Variants in EIF4G3 observed in about 807,000 individuals in gnomAD.
EIF4G3 encodes the protein eukaryotic translation initiation factor 4 gamma 3, also known as eIF-4-gamma 3.
EIF4G3 carries 34 observed loss-of-function variants against 186.4 expected under a neutral mutation model. The observed-to-expected ratio is 0.18, with a 90% CI of 0.14 to 0.24. The LOEUF (loss-of-function observed/expected upper bound fraction) is 0.24. Ranked by LOEUF, EIF4G3 falls within the 10% of genes least tolerant of loss-of-function variation. EIF4G3 has a pLI of 1.00. For synonymous variants in EIF4G3, 673 were observed against 679.5 expected, an observed-to-expected ratio of 0.99 and a Z score of 0.15; for missense variants, 1,536 against 1,948.5, an observed-to-expected ratio of 0.79 and a Z score of 3.99.
In EIF4G3 at chr1:20,821,569, TCTATTATGTATACATCACCATCTTCC is replaced by T. The variant is rs1286971281; in HGVS notation, c.4368+3505_4368+3530del. On this transcript the variant is annotated intron_variant, in intron 33 of 36. Coordinates refer to ENST00000602326, the MANE Select transcript of EIF4G3 (RefSeq NM_001391906.1). The stretch of plus-strand genomic sequence containing the variant: ...CCATCTTCCCTATTACGTATACTTC[TCTATTATGTATACATCACCATCTTCC>T]CTATTATGTATACATCACCATCTTC... Among the ~76,000 whole-genome samples the T allele has an allele frequency of 4.5e-3, 684 of 152,180 alleles. 5 individuals carry two copies. Among genetic ancestry groups the T allele is most frequent in the Middle Eastern group, 0.014 (4 of 294 alleles).
intron 22 of EIF4G3, 37 bp downstream of exon 22, chr1:20,864,439 A>G: frequency 1.4e-6 from 2 of 1,465,792 alleles, no homozygotes; most frequent in Non-Finnish European, 1.9e-6. Context: ...ACTGACAAGG[A>G]GCCTTTGCGA....
Position 20,868,090 on chromosome 1 carries a change from C to CTTT in EIF4G3, c.2623-2831_2623-2829dup, listed in dbSNP as rs66560662. On this transcript the variant is annotated intron_variant, in intron 20 of 36. Transcript: ENST00000602326. ...GAGAATAGTGATTCATGGTGATTTT[C>CTTT]TTTTTTTTTTTTTTTTGTCCTTAGG... Among the ~76,000 whole-genome samples the CTTT allele has an allele frequency of 5.5e-4, 50 of 90,430 alleles. 4 individuals carry two copies. Among genetic ancestry groups the CTTT allele is most frequent in the South Asian group, 1.8e-3 (4 of 2,190 alleles). 59.3% of individuals were successfully genotyped at this position (90,430 alleles called of 152,430 possible).
chr1:21,095,455 G>A (rs574370178), intron 2 of EIF4G3, among the ~76,000 whole-genome samples: 1 of 152,096 alleles, frequency 6.6e-6, no homozygotes, highest in Non-Finnish European at 1.5e-5. Flanking sequence ...GGGACTACAG[G>A]TGTGTACCAT....
intron 30 of EIF4G3, among the ~76,000 whole-genome samples, chr1:20,830,827 A>G (rs1347954971): frequency 6.6e-6 from 1 of 152,120 alleles, no homozygotes; most frequent in African/African-American, 2.4e-5. Flanking sequence ...TGAACATAGG[A>G]TTTCCATAGA....
At chr1:20,836,840 A>G (rs1330268191) in intron 30 of EIF4G3, among the ~76,000 whole-genome samples, 1 of 152,244 alleles carries the variant, frequency 6.6e-6, no homozygotes. Flanking sequence ...GTTTTCTGAA[A>G]TCATGATATA....
chr1:21,129,954 T>TGAGG (rs2097123758), intron 2 of EIF4G3, among the ~76,000 whole-genome samples: 1 of 152,142 alleles, frequency 6.6e-6, no homozygotes, highest in Admixed American at 6.6e-5. Flanking sequence ...AAGGCTGAGA[T>TGAGG]GAGGGTGGAT....
chr1:20,956,459 C>A (rs909017185), intron 12 of EIF4G3, among the ~76,000 whole-genome samples: 8 of 151,946 alleles, frequency 5.3e-5, no homozygotes, highest in African/African-American at 1.9e-4. Context: ...CTAAGGAGAG[C>A]AAAGTGGCTT....
At chr1:20,862,362 G>T in intron 22 of EIF4G3, 30 bp from the exon 23 acceptor site, 1 of 1,317,956 alleles carries the variant, frequency 7.6e-7, no homozygotes, top group Non-Finnish European at 1.1e-6. Context: ...TAGTACTCCT[G>T]TCTGAGAAAC....
intron 13 of EIF4G3, among the ~76,000 whole-genome samples, chr1:20,948,048 C>G (rs1290637208): frequency 6.6e-6 from 1 of 152,110 alleles, no homozygotes; most frequent in Non-Finnish European, 1.5e-5. Flanking sequence ...TTTTAAAAAT[C>G]CTGGCACAGC....
chr1:21,119,728 A>G (rs1283090420), intron 2 of EIF4G3, among the ~76,000 whole-genome samples: 1 of 152,164 alleles, frequency 6.6e-6, no homozygotes, highest in Non-Finnish European at 1.5e-5. Context: ...AAAGAAAAAC[A>G]TTTATATAGT....
At chr1:21,165,185 G>A (rs1398333575) in intron 2 of EIF4G3, among the ~76,000 whole-genome samples, 1 of 152,192 alleles carries the variant, frequency 6.6e-6, no homozygotes, top group Non-Finnish European at 1.5e-5. Flanking sequence ...AATGACAGGT[G>A]TTGGCAAGGA....
chr1:21,097,563 C>T (rs894813722), intron 2 of EIF4G3, among the ~76,000 whole-genome samples: 1 of 152,098 alleles, frequency 6.6e-6, no homozygotes, highest in Non-Finnish European at 1.5e-5. Flanking sequence ...ACATTCCAAC[C>T]TTAAAATTAA....
intron 12 of EIF4G3, among the ~76,000 whole-genome samples, chr1:20,954,612 C>CTTCT (rs966522221): frequency 3.3e-5 from 5 of 150,002 alleles, no homozygotes; most frequent in African/African-American, 4.9e-5. Flanking sequence ...CCAAAACATG[C>CTTCT]TTCTTTCTTA....
At chr1:21,004,562 TGA>T (rs2084513190) in intron 4 of EIF4G3, among the ~76,000 whole-genome samples, 2 of 152,178 alleles carry the variant, frequency 1.3e-5, no homozygotes, top group Non-Finnish European at 2.9e-5. Context: ...GAAGATTAAA[TGA>T]GATAAAATAT....
chr1:21,052,825 C>T (rs1448026065), intron 3 of EIF4G3, among the ~76,000 whole-genome samples: 5 of 152,224 alleles, frequency 3.3e-5, no homozygotes, highest in African/African-American at 4.8e-5. Flanking sequence ...GCGAGTGATC[C>T]GCCAGCCTCG....
At chr1:21,098,580 A>T in intron 2 of EIF4G3, among the ~76,000 whole-genome samples, 1 of 150,898 alleles carries the variant, frequency 6.6e-6, no homozygotes, top group African/African-American at 2.4e-5. Flanking sequence ...GAAGAAGAAG[A>T]AGAAAGAAAC....
chr1:20,937,413 G>A (rs943465618), intron 14 of EIF4G3, among the ~76,000 whole-genome samples: 3 of 152,140 alleles, frequency 2.0e-5, no homozygotes, highest in African/African-American at 7.2e-5. Context: ...CTTTCCCCAA[G>A]ACATGCAGCA....
At position 21,176,740 on chromosome 1, in the gene EIF4G3, C is replaced by T. The variant is rs2098119861; in HGVS notation, c.-474G>A. 1 of 697,664 alleles carries T rather than the reference C, an allele frequency of 1.4e-6. No individual in the cohort carries two copies. Among genetic ancestry groups the T allele is most frequent in the Admixed American group, 2.0e-5 (1 of 48,802 alleles). The allele number at this position is 697,664 out of a possible 1,614,324, so 43.2% of individuals were successfully genotyped here. ...ACCGGACCTTTCACGGCAATATCCTCATGGGCCGGCGGCGGGGGATCTTTA... is the reference window on the plus strand; with the variant it reads ...ACCGGACCTTTCACGGCAATATCCTTATGGGCCGGCGGCGGGGGATCTTTA... On this transcript the variant is annotated 5_prime_UTR_variant, in exon 1 of 37. The change abolishes an upstream ATG in the 5' untranslated region. Transcript: ENST00000602326.
At chr1:21,069,772 G>A (rs1160987352) in intron 3 of EIF4G3, among the ~76,000 whole-genome samples, 1 of 152,178 alleles carries the variant, frequency 6.6e-6, no homozygotes, top group Non-Finnish European at 1.5e-5. Context: ...TACCGGGGGA[G>A]AGGAGGGGGT....
Sources: gnomAD v4.1 joint callset for allele counts (sites outside exome capture counted in the v4.1 genomes callset) on GRCh38, gnomAD v4.1.1 for gene constraint, MANE v1.5 for transcripts, NCBI Gene and HGNC (gene_info 2026-07-23, HGNC 2026-07-21) for gene names.